The following FAM20B variants were observed in gnomAD, a reference collection of about 807,000 sequenced individuals.
The protein encoded by FAM20B is glycosaminoglycan xylosylkinase.
FAM20B carries 23 observed loss-of-function variants against 43.8 expected under a neutral mutation model. The observed-to-expected ratio is 0.53, with a 90% CI of 0.38 to 0.74. The LOEUF is 0.74. FAM20B is among the 30% of genes least tolerant of loss of function. The pLI is 0.00. For synonymous variants in FAM20B, 178 were observed against 192.4 expected (o/e 0.93, Z 0.62); for missense variants, 440 against 510.5 (o/e 0.86, Z 1.33).
chr1:179,025,752 G>A (rs866693445), upstream of FAM20B: 1 of 151,106 alleles, frequency 6.6e-6, no homozygotes, highest in Non-Finnish European at 1.5e-5. Context: ...AAGAGGTTAA[G>A]GGGGGCAGTC....
At chr1:179,068,549 C>T (rs772706228) in intron 7 of FAM20B, among the ~76,000 whole-genome samples, 18 of 152,022 alleles carry the variant, frequency 1.2e-4, no homozygotes, top group African/African-American at 2.2e-4. Flanking sequence ...GATTCTCCTG[C>T]GTCAGCCTCC....
At chr1:179,048,367 T>C (rs112708127) in intron 2 of FAM20B, among the ~76,000 whole-genome samples, 2,247 of 152,326 alleles carry the variant, frequency 0.015, 44 homozygotes, top group African/African-American at 0.049. Context: ...TGTAGTTCTT[T>C]TGATTCTTAT....
At chr1:179,045,238 A>G (rs986032779) in intron 2 of FAM20B, among the ~76,000 whole-genome samples, 9 of 152,214 alleles carry the variant, frequency 5.9e-5, no homozygotes, top group Non-Finnish European at 1.0e-4. Context: ...ATGAATCTGA[A>G]TTAGGTTAAC....
chr1:179,059,353 A>G (rs971434088), intron 4 of FAM20B, among the ~76,000 whole-genome samples: 1 of 152,198 alleles, frequency 6.6e-6, no homozygotes, highest in East Asian at 1.9e-4. Context: ...AAGCATTGCC[A>G]TGGATTGCCT....
chr1:179,064,874 G>T (rs370549690), intron 6 of FAM20B, among the ~76,000 whole-genome samples: 1 of 152,242 alleles, frequency 6.6e-6, no homozygotes, highest in African/African-American at 2.4e-5. Context: ...CTATCCAAAG[G>T]TTCCTGCAAT....
intron 4 of FAM20B, among the ~76,000 whole-genome samples, chr1:179,056,861 C>A (rs897058610): frequency 1.3e-4 from 20 of 152,118 alleles, no homozygotes; most frequent in Non-Finnish European, 4.4e-5. Flanking sequence ...TTTTAGTTTG[C>A]ATCTCCCTGA....
intron 1 of FAM20B, among the ~76,000 whole-genome samples, chr1:179,039,800 T>C (rs12064702): frequency 0.48 from 72,070 of 151,124 alleles, 18,082 homozygotes; most frequent in African/African-American, 0.64. Flanking sequence ...GGCAGGGTCA[T>C]AGGACAATAG....
At chr1:179,040,756 T>C (rs1424828735) in intron 1 of FAM20B, among the ~76,000 whole-genome samples, 1 of 146,108 alleles carries the variant, frequency 6.8e-6, no homozygotes, top group African/African-American at 2.5e-5. Context: ...TGGCGGGGGC[T>C]GACCCCCACC....
intron 2 of FAM20B, among the ~76,000 whole-genome samples, chr1:179,049,033 TCTC>T (rs1250112556): frequency 2.6e-5 from 4 of 152,048 alleles, no homozygotes; most frequent in Non-Finnish European, 5.9e-5. Context: ...GCCTAAAAGG[TCTC>T]CTTTAGATTC....
At position 179,066,795 on chromosome 1, in the gene FAM20B, T is replaced by C; in HGVS notation, c.939-5T>C. The C allele has an allele frequency of 6.2e-7, 1 of 1,607,404 alleles. No individual in the cohort carries two copies. ...TAATTCACTAAGTTTTAATTTAATT[T>C]TCAGCTTTGGGAACCCCTCGCTGGA... On this transcript the variant is annotated splice_polypyrimidine_tract_variant and splice_region_variant and intron_variant, in intron 6 of 7. Transcript: ENST00000263733.
intron 4 of FAM20B, among the ~76,000 whole-genome samples, chr1:179,056,104 T>A (rs919908088): frequency 2.0e-5 from 3 of 152,204 alleles, no homozygotes; most frequent in Non-Finnish European, 2.9e-5. Flanking sequence ...AGTGGTACAG[T>A]TGTTACAATT....
At chr1:179,020,009 G>T in the FAM20B span, among the ~76,000 whole-genome samples, 1 of 152,118 alleles carries the variant, frequency 6.6e-6, no homozygotes, top group African/African-American at 2.4e-5. Flanking sequence ...CCACTGTGTT[G>T]AGTACCTTGT....
At chr1:179,070,127 C>G (rs1651853362) in intron 7 of FAM20B, among the ~76,000 whole-genome samples, 1 of 151,982 alleles carries the variant, frequency 6.6e-6, no homozygotes, top group Non-Finnish European at 1.5e-5. Context: ...CTCACTGCAA[C>G]CTCCGCCTCC....
chr1:179,048,176 A>G (rs1163606878), intron 2 of FAM20B, among the ~76,000 whole-genome samples: 1 of 152,178 alleles, frequency 6.6e-6, no homozygotes, highest in Non-Finnish European at 1.5e-5. Flanking sequence ...AAAGAACAAG[A>G]AGGCAGGGGC....
intron 1 of FAM20B, among the ~76,000 whole-genome samples, chr1:179,026,354 C>G (rs1256280796): frequency 6.6e-6 from 1 of 151,832 alleles, no homozygotes; most frequent in Non-Finnish European, 1.5e-5. Context: ...TGTGTGCGGT[C>G]GCGGCTGAAG....
chr1:179,053,044 T>C (rs2102509030), intron 3 of FAM20B, among the ~76,000 whole-genome samples: 1 of 152,370 alleles, frequency 6.6e-6, no homozygotes, highest in Admixed American at 6.5e-5. Context: ...TTTGTTATCT[T>C]AGAGTATTTG....
intron 4 of FAM20B, among the ~76,000 whole-genome samples, chr1:179,058,253 A>G (rs1651311056): frequency 6.6e-6 from 1 of 152,242 alleles, no homozygotes. Context: ...ATCTGCAACA[A>G]TGCTAGTATG....
chr1:179,065,517 T>G (rs951747517), intron 6 of FAM20B, among the ~76,000 whole-genome samples: 1 of 152,204 alleles, frequency 6.6e-6, no homozygotes, highest in Admixed American at 6.5e-5. Flanking sequence ...CTGTTAACAT[T>G]GGTTGTTGGA....
chr1:179,035,502 C>T (rs1401114596), intron 1 of FAM20B: 2 of 683,728 alleles, frequency 2.9e-6, no homozygotes, highest in Non-Finnish European at 5.4e-6. Flanking sequence ...AGAAATGTCC[C>T]TGACTGCTGT....
Sources: gnomAD v4.1 joint callset for allele counts (sites outside exome capture counted in the v4.1 genomes callset) on GRCh38, gnomAD v4.1.1 for gene constraint, MANE v1.5 for transcripts, NCBI Gene and HGNC (gene_info 2026-07-23, HGNC 2026-07-21) for gene names.